The following NTN1 variants were observed in gnomAD, a reference collection of about 807,000 sequenced individuals.
NTN1 encodes the protein netrin-1.
A neutral mutation model predicts 54.2 loss-of-function variants in NTN1; 11 were observed. The ratio of observed to expected loss-of-function variants is 0.20; its 90% CI spans 0.13 to 0.34. The LOEUF is 0.34. NTN1 is among the 10% of genes least tolerant of loss of function. The pLI is 1.00. For synonymous variants in NTN1, 371 were observed against 382.0 expected, an observed-to-expected ratio of 0.97 and a Z score of 0.33; for missense variants, 740 against 893.1, an observed-to-expected ratio of 0.83 and a Z score of 2.18.
chr17:9,188,069 T>A lies in NTN1; in HGVS notation c.1411+5100T>A, dbSNP rs1453999517. On this transcript the variant is annotated intron_variant, in intron 5 of 6. Coordinates refer to ENST00000173229, the MANE Select transcript of NTN1 (RefSeq NM_004822.3). ...TTGGGTGATGAAAACGTCCTGGAACTTGATAGTGGTGATGAGTTGTACAAT... is the reference window on the plus strand; with the variant it reads ...TTGGGTGATGAAAACGTCCTGGAACATGATAGTGGTGATGAGTTGTACAAT... Among the ~76,000 whole-genome samples the A allele has an allele frequency of 2.0e-5, 3 of 152,204 alleles. No individual in the cohort carries two copies. In the East Asian group the frequency reaches 5.8e-4, roughly 29 times the overall value.
At chr17:9,119,262 A>G (rs1000662531) in intron 2 of NTN1, among the ~76,000 whole-genome samples, 2 of 152,068 alleles carry the variant, frequency 1.3e-5, no homozygotes, top group Non-Finnish European at 2.9e-5. Flanking sequence ...ATCTCGGCTC[A>G]CTGCAACCTC....
rs1905329150 is a variant in NTN1 at position 9,221,013 on chromosome 17, G to GGCCTTTCCTGAATGGCC, written c.1412-150_1412-134dup. 6.6e-6 allele frequency among the ~76,000 whole-genome samples: 1 copy of GGCCTTTCCTGAATGGCC among 152,072 alleles called. No individual in the cohort carries two copies. The highest frequency in any genetic ancestry group is 1.5e-5 in the Non-Finnish European group (1 of 68,004). On this transcript the variant is annotated intron_variant, in intron 5 of 6. Transcript: ENST00000173229. This position sits in a 1 kb window ranked among gnomAD's most constrained non-coding sequence, Gnocchi z 4.5. ...TCCCTCAGGCCTCTTTAGAAGCGCA[G>GGCCTTTCCTGAATGGCC]GCCTTTCCTGAATGGCCGCCTGCCC...
At chr17:9,026,139 A>G (rs2091869785) in intron 2 of NTN1, among the ~76,000 whole-genome samples, 1 of 152,194 alleles carries the variant, frequency 6.6e-6, no homozygotes, top group Admixed American at 6.5e-5. Context: ...TCCCTAGGTT[A>G]ACCCTGTGCC....
rs930469142 is a variant in NTN1, at chr17:9,221,598, C to T, written c.1486+356C>T. ...TGCATCATACTGCGGGGATTTGACCCGAGTCCACGTGGCTCAAAGGGAAGC... is the reference window on the plus strand; with the variant it reads ...TGCATCATACTGCGGGGATTTGACCTGAGTCCACGTGGCTCAAAGGGAAGC... On this transcript the variant is annotated intron_variant, in intron 6 of 6. Coordinates refer to ENST00000173229, the MANE Select transcript of NTN1 (RefSeq NM_004822.3). This position sits in a 1 kb window ranked among gnomAD's most constrained non-coding sequence, Gnocchi z 4.5. 4.6e-5 allele frequency among the ~76,000 whole-genome samples: 7 copies of T among 152,184 alleles called. No individual in the cohort carries two copies. The highest frequency in any genetic ancestry group is 1.2e-4 in the African/African-American group (5 of 41,446).
chr17:9,241,864 G>A lies in NTN1; in HGVS notation c.*1896G>A, dbSNP rs1341613879. On this transcript the variant is annotated 3_prime_UTR_variant, in exon 7 of 7. Coordinates refer to ENST00000173229, the MANE Select transcript of NTN1 (RefSeq NM_004822.3). ...CCAGAGCCCGACTTTCTGACCAGGGGCCACGCTGGCCCTCACTGCACTCCA... is the reference window on the plus strand; with the variant it reads ...CCAGAGCCCGACTTTCTGACCAGGGACCACGCTGGCCCTCACTGCACTCCA... The A allele has an allele frequency of 1.3e-5, 2 of 152,278 alleles. No individual in the cohort carries two copies. Among genetic ancestry groups the A allele is most frequent in the Non-Finnish European group, 2.9e-5 (2 of 68,070 alleles). 9.4% of individuals were successfully genotyped at this position (152,278 alleles called of 1,614,324 possible). A position where few individuals can be genotyped will look rare whatever the true frequency, so the allele number is the denominator to read the frequency against.
chr17:9,058,078 G>A (rs1216290470), intron 2 of NTN1, among the ~76,000 whole-genome samples: 2 of 152,114 alleles, frequency 1.3e-5, no homozygotes, highest in South Asian at 4.1e-4. Flanking sequence ...TAGTAGAGAC[G>A]GGGATTTGCC....
intron 2 of NTN1, among the ~76,000 whole-genome samples, chr17:9,085,668 C>T (rs189959931): frequency 2.3e-4 from 35 of 152,266 alleles, no homozygotes; most frequent in Admixed American, 6.5e-4. Context: ...ACAAAAATAC[C>T]AACCTCAGTG....
At chr17:9,230,572 T>C (rs996119002) in intron 6 of NTN1, among the ~76,000 whole-genome samples, 1 of 152,106 alleles carries the variant, frequency 6.6e-6, no homozygotes, top group Non-Finnish European at 1.5e-5. Flanking sequence ...TCGGTCCCCA[T>C]GACAGCTCGA....
intron 2 of NTN1, among the ~76,000 whole-genome samples, chr17:9,074,957 G>A (rs1004261437): frequency 2.4e-4 from 36 of 152,202 alleles, no homozygotes; most frequent in African/African-American, 8.0e-4. Flanking sequence ...CTTACCCAAC[G>A]GGATGTGTGC....
At chr17:9,157,597 C>A (rs374067040) in intron 2 of NTN1, among the ~76,000 whole-genome samples, 1 of 152,226 alleles carries the variant, frequency 6.6e-6, no homozygotes, top group Non-Finnish European at 1.5e-5. Context: ...TCTTCCTTAC[C>A]CTCGTTATGC....
intron 2 of NTN1, among the ~76,000 whole-genome samples, chr17:9,126,729 T>C (rs1049860084): frequency 4.6e-5 from 7 of 151,740 alleles, no homozygotes; most frequent in African/African-American, 1.7e-4. Flanking sequence ...GAGGAACAGG[T>C]GGGAATCAGC....
At chr17:9,099,090 A>T (rs1259781716) in intron 2 of NTN1, among the ~76,000 whole-genome samples, 1 of 152,194 alleles carries the variant, frequency 6.6e-6, no homozygotes, top group Non-Finnish European at 1.5e-5. Flanking sequence ...ATGTTGTTAA[A>T]TATTCTGTAA....
At chr17:9,226,793 T>C (rs1905578962) in intron 6 of NTN1, among the ~76,000 whole-genome samples, 1 of 152,070 alleles carries the variant, frequency 6.6e-6, no homozygotes, top group African/African-American at 2.4e-5. Flanking sequence ...AGCGTGGGTG[T>C]GTGTGCGTGC....
rs1247787617 is a variant in NTN1 at position 9,022,633 on chromosome 17, G to A, written c.260G>A (p.Arg87Gln). The change falls in exon 2 of 7, where the codon CGG (arginine) becomes CAG (glutamine). Residue 87 changes from arginine (R) to glutamine (Q), a missense_variant. Arg to Gln is a conservative substitution (Grantham distance 43). Transcript: ENST00000173229. ...GTGGTGAGCGAGCGCGGCGAGGAGC[G>A]GCTGCGCTCGTGCCACCTCTGCAAC... ...YCVVSERGEE[R>Q]LRSCHLCNAS... The A allele has an allele frequency of 6.4e-7, 1 of 1,556,016 alleles. No individual in the cohort carries two copies.
intron 2 of NTN1, among the ~76,000 whole-genome samples, chr17:9,156,798 G>A (rs1223839733): frequency 6.6e-6 from 1 of 152,178 alleles, no homozygotes; most frequent in Non-Finnish European, 1.5e-5. Flanking sequence ...GCTATGCCTT[G>A]TCAGGGAGTG....
At chr17:9,105,214 C>G (rs1345373935) in intron 2 of NTN1, among the ~76,000 whole-genome samples, 1 of 152,212 alleles carries the variant, frequency 6.6e-6, no homozygotes. Context: ...ACACCTGGGC[C>G]GGATTTCCAG....
chr17:9,161,788 A>G (rs2092357658), intron 2 of NTN1, among the ~76,000 whole-genome samples: 1 of 152,094 alleles, frequency 6.6e-6, no homozygotes, highest in African/African-American at 2.4e-5. Context: ...CAAAAACAAC[A>G]AACAAACAAA....
At chr17:9,220,220 C>A (rs1252677516) in intron 5 of NTN1, among the ~76,000 whole-genome samples, 1 of 152,188 alleles carries the variant, frequency 6.6e-6, no homozygotes, top group Non-Finnish European at 1.5e-5. Flanking sequence ...GAGCCTCAGT[C>A]TTCTTGTCTG....
At chr17:9,017,195 C>G (rs1442646476), upstream of NTN1, among the ~76,000 whole-genome samples, 1 of 152,174 alleles carries the variant, frequency 6.6e-6, no homozygotes, top group East Asian at 1.9e-4. Context: ...AACCTTCCCT[C>G]AATCCTATGT....
Sources: gnomAD v4.1 joint callset for allele counts (sites outside exome capture counted in the v4.1 genomes callset) on GRCh38, gnomAD v4.1.1 for gene constraint, Gnocchi (gnomAD v3.1) non-coding constraint, MANE v1.5 for transcripts, NCBI Gene and HGNC (gene_info 2026-07-23, HGNC 2026-07-21) for gene names.